PDE2A: variants seen among roughly 807,000 people sequenced by gnomAD.
PDE2A encodes the protein phosphodiesterase 2A.
PDE2A carries 53 observed loss-of-function variants against 133.6 expected under a neutral mutation model. That is an observed-to-expected ratio of 0.40 (90% CI 0.32 to 0.50). The LOEUF (loss-of-function observed/expected upper bound fraction) is 0.50, where lower values mean the gene tolerates loss of function less well. PDE2A is among the 20% of genes least tolerant of loss of function. PDE2A has a pLI of 0.73. For synonymous variants in PDE2A, 491 were observed against 490.2 expected (o/e 1.00, Z -0.02); for missense variants, 796 against 1,232.4 (o/e 0.65, Z 5.30).
chr11:72,653,494 G>C (rs755213248), intron 1 of PDE2A, among the ~76,000 whole-genome samples: 1 of 152,186 alleles, frequency 6.6e-6, no homozygotes, highest in Non-Finnish European at 1.5e-5. Flanking sequence ...GGGAGGGAGA[G>C]GGTGTGCCAG....
At chr11:72,591,085 G>T (rs1856228509) in intron 7 of PDE2A, 1 of 589,984 alleles carries the variant, frequency 1.7e-6, no homozygotes, top group Non-Finnish European at 3.0e-6. Flanking sequence ...TTTCACCACT[G>T]CCCTAGGTCA....
At chr11:72,672,862 C>T (rs890718064) in intron 1 of PDE2A, among the ~76,000 whole-genome samples, 5 of 152,162 alleles carry the variant, frequency 3.3e-5, no homozygotes, top group Non-Finnish European at 7.4e-5. Flanking sequence ...TTCAAAGAGG[C>T]GGTCATACAT....
At chr11:72,605,066 C>A in intron 4 of PDE2A, 72 bp downstream of exon 4, 5 of 975,956 alleles carry the variant, frequency 5.1e-6, no homozygotes, top group South Asian at 1.5e-5. Flanking sequence ...ACCAGATGAC[C>A]TTGGATGGTG....
At chr11:72,592,602 T>C (rs1436163624) in intron 6 of PDE2A, among the ~76,000 whole-genome samples, 1 of 151,872 alleles carries the variant, frequency 6.6e-6, no homozygotes, top group Non-Finnish European at 1.5e-5. Flanking sequence ...ACACTGGCGG[T>C]AGGTGGTGCG....
At position 72,590,504 on chromosome 11, in the gene PDE2A, G is replaced by A. The variant is rs749362922; in HGVS notation, c.626C>T (p.Pro209Leu). ...CTGGTCTTCCGCCGTCCCCTCCGGG[G>A]GGTTCTGGACGGCTCGGGGAGCCTC... The part of the protein sequence containing the change: ...PREAPRAVQN[P>L]PEGTAEDQKG... Residue 209 changes from proline (P) to leucine (L), a missense_variant, in exon 8 of 31, where the codon CCC (proline) becomes CTC (leucine). By Grantham distance (98) the Pro-to-Leu change is moderately conservative. Around this residue, in one of 7 missense-constraint regions of PDE2A, gnomAD observed 417 missense variants for 475.3 expected, o/e 0.88. Coordinates refer to ENST00000334456, the MANE Select transcript of PDE2A (RefSeq NM_002599.5). The surrounding 1 kb of genome is among the most constrained non-coding windows in gnomAD (Gnocchi z 4.8). The A allele has an allele frequency of 5.3e-6, 8 of 1,509,708 alleles. No individual in the cohort carries two copies. In the South Asian group the frequency reaches 6.5e-5, roughly 12 times the overall value. The allele number at this position is 1,509,708 out of a possible 1,614,324, so 93.5% of individuals were successfully genotyped here. A position where few individuals can be genotyped will look rare whatever the true frequency, so the allele number is the denominator to read the frequency against.
chr11:72,619,790 C>T (rs993078679), intron 2 of PDE2A, among the ~76,000 whole-genome samples: 1 of 152,174 alleles, frequency 6.6e-6, no homozygotes, highest in Non-Finnish European at 1.5e-5. Context: ...CATCGCCTCC[C>T]TCAGATGCGG....
chr11:72,658,175 C>G, intron 1 of PDE2A: 2 of 454,180 alleles, frequency 4.4e-6, no homozygotes, highest in Admixed American at 2.4e-5. Flanking sequence ...TGCCCCACCC[C>G]GACTTATCGC....
At chr11:72,611,498 G>C (rs970620649) in intron 2 of PDE2A, among the ~76,000 whole-genome samples, 1 of 152,196 alleles carries the variant, frequency 6.6e-6, no homozygotes, top group African/African-American at 2.4e-5. Flanking sequence ...TACTGGAATT[G>C]GTGGGTGCCT....
At chr11:72,592,938 A>C (rs907437123) in intron 6 of PDE2A, among the ~76,000 whole-genome samples, 1 of 152,010 alleles carries the variant, frequency 6.6e-6, no homozygotes, top group African/African-American at 2.4e-5. Flanking sequence ...GGCTTATATA[A>C]ATATGTTGGC....
At chr11:72,600,707 A>C (rs1591050077) in intron 4 of PDE2A, among the ~76,000 whole-genome samples, 1 of 150,104 alleles carries the variant, frequency 6.7e-6, no homozygotes, top group African/African-American at 2.5e-5. Flanking sequence ...CTACTACCCC[A>C]CCCCCACCCT....
intron 2 of PDE2A, among the ~76,000 whole-genome samples, chr11:72,615,711 C>G (rs971897939): frequency 2.6e-5 from 4 of 152,142 alleles, no homozygotes; most frequent in Admixed American, 6.5e-5. Flanking sequence ...ATCACAGCAT[C>G]CCCCTCTCCA....
chr11:72,606,953 G>A (rs909493295), intron 3 of PDE2A, among the ~76,000 whole-genome samples: 9 of 152,140 alleles, frequency 5.9e-5, no homozygotes, highest in African/African-American at 1.4e-4. Context: ...CTGCATTCGG[G>A]GCTGCCTGCC....
chr11:72,608,609 G>A, intron 3 of PDE2A, 53 bp downstream of exon 3: 1 of 890,690 alleles, frequency 1.1e-6, no homozygotes, highest in East Asian at 2.6e-5. Context: ...CATAGAGCTG[G>A]TCAAAGGATT....
At chr11:72,628,392 G>A (rs1025609135) in intron 2 of PDE2A, among the ~76,000 whole-genome samples, 15 of 150,636 alleles carry the variant, frequency 1.0e-4, no homozygotes, top group Admixed American at 2.6e-4. Context: ...GTGCAGTGGC[G>A]CGATCTCGGC....
At chr11:72,648,734 C>T (rs1859198045) in intron 1 of PDE2A, among the ~76,000 whole-genome samples, 1 of 152,156 alleles carries the variant, frequency 6.6e-6, no homozygotes, top group African/African-American at 2.4e-5. Flanking sequence ...CTCTGCTCCC[C>T]ATCATCCACA....
At chr11:72,615,234 C>A (rs1381662010) in intron 2 of PDE2A, 8 of 326,290 alleles carry the variant, frequency 2.5e-5, no homozygotes, top group Admixed American at 5.5e-5. Context: ...TCCGCCCCGG[C>A]CTCTCGCCCT....
intron 2 of PDE2A, among the ~76,000 whole-genome samples, chr11:72,620,279 G>A (rs1419558512): frequency 6.6e-6 from 1 of 152,098 alleles, no homozygotes; most frequent in Admixed American, 6.6e-5. Context: ...CTTCCCTGGG[G>A]CCCTGTGCTC....
At chr11:72,605,295 C>G (rs1856922907) in intron 3 of PDE2A, 69 bp from the exon 4 acceptor site, 4 of 911,370 alleles carry the variant, frequency 4.4e-6, no homozygotes, top group Non-Finnish European at 6.7e-6. Context: ...AGCCTGTACA[C>G]AGGGGTCTGT....
At chr11:72,594,001 G>A (rs2135317038) in intron 6 of PDE2A, among the ~76,000 whole-genome samples, 1 of 152,306 alleles carries the variant, frequency 6.6e-6, no homozygotes, top group Non-Finnish European at 1.5e-5. Context: ...CTGAGCTCAA[G>A]GAATACTCCC....
Sources: allele counts gnomAD v4.1 joint callset (sites outside exome capture counted in the v4.1 genomes callset), GRCh38; gene constraint gnomAD v4.1.1; regional missense constraint gnomAD v4.1.1; non-coding constraint Gnocchi (gnomAD v3.1); transcripts MANE v1.5; gene names NCBI Gene and HGNC (gene_info 2026-07-23, HGNC 2026-07-21).